Variants in FAM107B observed in about 807,000 individuals in gnomAD.
FAM107B encodes family with sequence similarity 107 member B, also known as protein FAM107B.
In FAM107B, 21 loss-of-function variants were observed where a neutral mutation model predicts 31.5. The observed-to-expected ratio is 0.67, with a 90% CI of 0.47 to 0.96. FAM107B has a LOEUF of 0.96. FAM107B is among the 40% of genes least tolerant of loss of function. The pLI is 0.00. For synonymous variants in FAM107B, 157 were observed against 141.5 expected (o/e 1.11, Z -0.78); for missense variants, 452 against 377.1 (o/e 1.20, Z -1.64).
At chr10:14,682,233 G>A (rs539396120) in intron 1 of FAM107B, among the ~76,000 whole-genome samples, 1 of 152,288 alleles carries the variant, frequency 6.6e-6, no homozygotes, top group South Asian at 2.1e-4. Context: ...AACATAAAAT[G>A]TCAAGGAAGC....
chr10:14,672,335 G>A (rs905579212), intron 1 of FAM107B, among the ~76,000 whole-genome samples: 4 of 152,098 alleles, frequency 2.6e-5, no homozygotes, highest in Non-Finnish European at 5.9e-5. Context: ...TGATCTGCCC[G>A]CCTCGGCCTC....
intron 1 of FAM107B, among the ~76,000 whole-genome samples, chr10:14,668,049 T>G (rs1300525546): frequency 6.6e-6 from 1 of 151,106 alleles, no homozygotes; most frequent in African/African-American, 2.5e-5. Context: ...TTTTTTGTTT[T>G]TTGGGTTTTT....
intron 1 of FAM107B, among the ~76,000 whole-genome samples, chr10:14,675,365 C>G (rs554119019): frequency 1.3e-5 from 2 of 152,144 alleles, no homozygotes; most frequent in Non-Finnish European, 2.9e-5. Flanking sequence ...TGTCTCTCAA[C>G]TGGTCTCTGA....
At chr10:14,748,249 G>A (rs1056787993) in intron 1 of FAM107B, among the ~76,000 whole-genome samples, 3 of 152,160 alleles carry the variant, frequency 2.0e-5, no homozygotes, top group South Asian at 2.1e-4. Flanking sequence ...ATAAATGTAC[G>A]TTGAAAGAAT....
At chr10:14,712,736 T>A (rs977258363) in intron 1 of FAM107B, among the ~76,000 whole-genome samples, 6 of 152,126 alleles carry the variant, frequency 3.9e-5, no homozygotes, top group Non-Finnish European at 7.4e-5. Flanking sequence ...AAAAACAACA[T>A]AACATGGTCA....
chr10:14,632,590 A>G (rs531512869), intron 2 of FAM107B, among the ~76,000 whole-genome samples: 7 of 149,026 alleles, frequency 4.7e-5, no homozygotes, highest in East Asian at 2.0e-4. Context: ...CAGCCTGGGC[A>G]ACAAGGCAAG....
At chr10:14,734,422 C>T (rs374515276) in intron 1 of FAM107B, among the ~76,000 whole-genome samples, 6 of 151,658 alleles carry the variant, frequency 4.0e-5, no homozygotes, top group African/African-American at 9.7e-5. Flanking sequence ...TGGTCCAGGG[C>T]GGCTTTGAAG....
At chr10:14,702,908 A>C (rs997994751) in intron 1 of FAM107B, among the ~76,000 whole-genome samples, 2 of 152,124 alleles carry the variant, frequency 1.3e-5, no homozygotes, top group East Asian at 3.9e-4. Flanking sequence ...TTGTCTCATT[A>C]TCTATTGCAG....
chr10:14,566,937 G>T (rs1309715179), intron 2 of FAM107B, among the ~76,000 whole-genome samples: 2 of 152,160 alleles, frequency 1.3e-5, no homozygotes, highest in Middle Eastern at 6.3e-3. Flanking sequence ...AAAACACAAG[G>T]TCAGGAGATG....
chr10:14,661,928 C>A (rs1292604591), intron 2 of FAM107B, among the ~76,000 whole-genome samples: 1 of 152,168 alleles, frequency 6.6e-6, no homozygotes, highest in Non-Finnish European at 1.5e-5. Context: ...GCATTGTGGC[C>A]TTTCCCTTGT....
chr10:14,606,860 C>G (rs1463499130), intron 2 of FAM107B, among the ~76,000 whole-genome samples: 3 of 152,242 alleles, frequency 2.0e-5, no homozygotes, highest in African/African-American at 7.2e-5. Flanking sequence ...CTTGGACTTC[C>G]AGCCTTCAGA....
chr10:14,575,175 T>G (rs1366799881), intron 2 of FAM107B, among the ~76,000 whole-genome samples: 2 of 152,056 alleles, frequency 1.3e-5, no homozygotes, highest in African/African-American at 4.8e-5. Flanking sequence ...TTCCCTGTAC[T>G]GGGGATCACA....
intron 1 of FAM107B, among the ~76,000 whole-genome samples, chr10:14,699,389 C>A (rs1410585616): frequency 6.6e-6 from 1 of 152,044 alleles, no homozygotes; most frequent in African/African-American, 2.4e-5. Flanking sequence ...TGGTGTAGTC[C>A]CAGAGCAAGT....
chr10:14,590,766 A>G, intron 2 of FAM107B, among the ~76,000 whole-genome samples: 1 of 151,834 alleles, frequency 6.6e-6, no homozygotes, highest in Non-Finnish European at 1.5e-5. Context: ...CGGATCACCC[A>G]AGGTCAGAAA....
chr10:14,752,573 A>G (rs1423620538), intron 1 of FAM107B, among the ~76,000 whole-genome samples: 2 of 152,190 alleles, frequency 1.3e-5, no homozygotes, highest in Non-Finnish European at 2.9e-5. Context: ...GTTTAATCGC[A>G]TCGTGTATGT....
intron 1 of FAM107B, among the ~76,000 whole-genome samples, chr10:14,755,451 G>A (rs1473189983): frequency 6.6e-6 from 1 of 150,762 alleles, no homozygotes; most frequent in African/African-American, 2.4e-5. Flanking sequence ...TGAGATGGGA[G>A]AATTGCTTGA....
At chr10:14,682,285 T>G (rs535019398) in intron 1 of FAM107B, among the ~76,000 whole-genome samples, 1 of 152,126 alleles carries the variant, frequency 6.6e-6, no homozygotes, top group African/African-American at 2.4e-5. Context: ...TCCCAGAACT[T>G]TGGGAGGCCG....
chr10:14,526,320 C>A (rs1474431849), intron 3 of FAM107B, among the ~76,000 whole-genome samples: 1 of 152,110 alleles, frequency 6.6e-6, no homozygotes, highest in Non-Finnish European at 1.5e-5. Context: ...ACTACAGGCG[C>A]GTGCCACCAC....
chr10:14,604,845 C>T (rs536721603), intron 2 of FAM107B, among the ~76,000 whole-genome samples: 1 of 150,856 alleles, frequency 6.6e-6, no homozygotes, highest in South Asian at 2.1e-4. Context: ...CTCTCTTTCT[C>T]TCATTCTCTC....
Sources: allele counts gnomAD v4.1 joint callset (sites outside exome capture counted in the v4.1 genomes callset), GRCh38; gene constraint gnomAD v4.1.1; transcripts MANE v1.5; gene names NCBI Gene and HGNC (gene_info 2026-07-23, HGNC 2026-07-21).